The following CTNNA3 variants were observed in gnomAD, a reference collection of about 807,000 sequenced individuals.
CTNNA3 encodes catenin alpha 3, also known as catenin alpha-3.
In CTNNA3, 76 loss-of-function variants were observed where a neutral mutation model predicts 95.7. The observed-to-expected ratio is 0.79, with a 90% CI of 0.66 to 0.96. The LOEUF (loss-of-function observed/expected upper bound fraction) is 0.96. Ranked by LOEUF, CTNNA3 falls within the 40% of genes least tolerant of loss-of-function variation. The pLI, the probability that CTNNA3 is intolerant of heterozygous loss-of-function variation, is 0.00. For synonymous variants in CTNNA3, 431 were observed against 374.4 expected (o/e 1.15, Z -1.74); for missense variants, 1,191 against 1,089.8 (o/e 1.09, Z -1.31).
At chr10:67,336,092 C>A (rs115120577) in intron 5 of CTNNA3, among the ~76,000 whole-genome samples, 6 of 152,064 alleles carry the variant, frequency 3.9e-5, no homozygotes, top group Non-Finnish European at 8.8e-5. Context: ...ATGAACAGCA[C>A]CCATAAAAGA....
At chr10:65,938,704 C>T (rs1323589584) in intron 17 of CTNNA3, among the ~76,000 whole-genome samples, 5 of 152,042 alleles carry the variant, frequency 3.3e-5, no homozygotes, top group African/African-American at 9.7e-5. Context: ...AGACAGAAGC[C>T]TATAAGGCAT....
At chr10:65,997,861 A>G (rs1478580593) in intron 15 of CTNNA3, among the ~76,000 whole-genome samples, 6 of 152,122 alleles carry the variant, frequency 3.9e-5, no homozygotes, top group African/African-American at 1.4e-4. Context: ...TACTAAAAAT[A>G]CCAAATTAGC....
chr10:67,335,054 A>G (rs2616699), intron 5 of CTNNA3, among the ~76,000 whole-genome samples: 112,517 of 152,036 alleles, frequency 0.74, 44,631 homozygotes, highest in Non-Finnish European at 0.88. Context: ...ACACACACAC[A>G]TTGATGAGAA....
At chr10:65,970,983 C>CCT (rs1164782579) in intron 16 of CTNNA3, among the ~76,000 whole-genome samples, 2 of 150,496 alleles carry the variant, frequency 1.3e-5, no homozygotes, top group African/African-American at 2.4e-5. Context: ...GTCAATTAAA[C>CCT]CTCTCTTTTT....
At chr10:66,928,549 C>G (rs977644691) in intron 7 of CTNNA3, 10 of 1,106,878 alleles carry the variant, frequency 9.0e-6, no homozygotes, top group Non-Finnish European at 1.3e-5. Context: ...GATGCCCCCC[C>G]TCCCCTTCCC....
intron 13 of CTNNA3, among the ~76,000 whole-genome samples, chr10:66,132,209 A>G (rs1040799043): frequency 1.3e-5 from 2 of 152,226 alleles, no homozygotes; most frequent in Non-Finnish European, 2.9e-5. Context: ...ACAAATCTAT[A>G]AGACAAAAGC....
intron 3 of CTNNA3, among the ~76,000 whole-genome samples, chr10:67,583,879 G>A (rs1389788678): frequency 1.3e-5 from 2 of 152,096 alleles, no homozygotes; most frequent in Admixed American, 6.5e-5. Context: ...CATTCGTCAC[G>A]TAGTTCTCGT....
At chr10:66,286,149 A>T (rs1359899189) in intron 12 of CTNNA3, among the ~76,000 whole-genome samples, 1 of 151,998 alleles carries the variant, frequency 6.6e-6, no homozygotes, top group Non-Finnish European at 1.5e-5. Flanking sequence ...TAGTATATCC[A>T]TATATTTCAC....
At position 66,903,676 on chromosome 10, in the gene CTNNA3, A is replaced by G. The variant is rs148245715; in HGVS notation, c.1048-128152T>C. Among the ~76,000 whole-genome samples the G allele has an allele frequency of 4.5e-3, 685 of 152,338 alleles. 5 individuals carry two copies. Among genetic ancestry groups the G allele is most frequent in the African/African-American group, 0.016 (655 of 41,578 alleles). ...CCTTAAGCTGATAAGCAACTTCAGC[A>G]AAGTCTCAGGATACAAAATCAATGT... On this transcript the variant is annotated intron_variant, in intron 7 of 17. Transcript: ENST00000433211.
intron 9 of CTNNA3, among the ~76,000 whole-genome samples, chr10:66,661,671 C>T (rs1020066037): frequency 1.3e-5 from 2 of 152,042 alleles, no homozygotes; most frequent in Non-Finnish European, 2.9e-5. Flanking sequence ...AAATAAAAAA[C>T]CAACAACTAT....
chr10:66,571,277 G>A (rs1012510043), intron 10 of CTNNA3, among the ~76,000 whole-genome samples: 3 of 152,124 alleles, frequency 2.0e-5, no homozygotes, highest in Non-Finnish European at 2.9e-5. Flanking sequence ...ATGCCTGCTA[G>A]ACCAGAAGAA....
chr10:66,384,126 A>AC (rs1364509622), intron 11 of CTNNA3, among the ~76,000 whole-genome samples: 7 of 152,070 alleles, frequency 4.6e-5, no homozygotes, highest in African/African-American at 9.7e-5. Flanking sequence ...TGGGCTAAAT[A>AC]CCCCAATTAA....
intron 16 of CTNNA3, among the ~76,000 whole-genome samples, chr10:65,982,525 G>C (rs2078340636): frequency 8.1e-6 from 1 of 124,136 alleles, no homozygotes. Flanking sequence ...GGAAAAAAAG[G>C]CATTATACGA....
rs528438005 is a variant in CTNNA3 at position 67,478,076 on chromosome 10, G to A, written c.579+43766C>T. Among the ~76,000 whole-genome samples the A allele has an allele frequency of 9.9e-5, 15 of 152,272 alleles. No homozygotes were observed. The East Asian group carries it at 2.7e-3, about 27-fold the overall frequency. ...TATCAATTGCCAAGATCAACATGAAGAAAGAATTTCAGAGCTTGAAGATAG... is the reference window on the plus strand; with the variant it reads ...TATCAATTGCCAAGATCAACATGAAAAAAGAATTTCAGAGCTTGAAGATAG... On this transcript the variant is annotated intron_variant, in intron 5 of 17. Transcript: ENST00000433211.
chr10:66,975,585 C>T (rs750900994), intron 7 of CTNNA3, among the ~76,000 whole-genome samples: 5 of 152,176 alleles, frequency 3.3e-5, no homozygotes, highest in Non-Finnish European at 5.9e-5. Context: ...CTATCCAATT[C>T]TATGAGTCTA....
intron 5 of CTNNA3, among the ~76,000 whole-genome samples, chr10:67,470,892 C>A (rs953851770): frequency 1.3e-5 from 2 of 152,170 alleles, no homozygotes; most frequent in Non-Finnish European, 2.9e-5. Context: ...GTGATCCTCT[C>A]ACCTCAACCT....
intron 3 of CTNNA3, among the ~76,000 whole-genome samples, chr10:67,569,189 G>C (rs1402352127): frequency 6.6e-6 from 1 of 152,066 alleles, no homozygotes; most frequent in Non-Finnish European, 1.5e-5. Flanking sequence ...ATGTTCTCTT[G>C]AAAAATCTTC....
intron 15 of CTNNA3, among the ~76,000 whole-genome samples, chr10:66,007,704 T>TCCTCCCTC (rs1207637044): frequency 9.3e-5 from 8 of 86,330 alleles, no homozygotes; most frequent in South Asian, 5.1e-4. Context: ...GGCTTTTAGA[T>TCCTCCCTC]CCTCCCTCCC....
intron 5 of CTNNA3, among the ~76,000 whole-genome samples, chr10:67,479,845 A>G (rs1362054119): frequency 6.6e-6 from 1 of 152,152 alleles, no homozygotes; most frequent in African/African-American, 2.4e-5. Context: ...CACTAGCTAG[A>G]TTAACAAAGA....
Sources: gnomAD v4.1 joint callset for allele counts (sites outside exome capture counted in the v4.1 genomes callset) on GRCh38, gnomAD v4.1.1 for gene constraint, MANE v1.5 for transcripts, NCBI Gene and HGNC (gene_info 2026-07-23, HGNC 2026-07-21) for gene names.